SMO: variants seen among roughly 807,000 people sequenced by gnomAD.
The protein encoded by SMO is protein smoothened.
SMO carries 40 observed loss-of-function variants against 81.6 expected under a neutral mutation model. The ratio of observed to expected loss-of-function variants is 0.49; its 90% CI spans 0.38 to 0.64. The LOEUF (loss-of-function observed/expected upper bound fraction) is 0.64. Among genes scored for constraint, SMO ranks in the 30% least tolerant of loss-of-function variants. The probability of loss-of-function intolerance (pLI) is 0.00; values close to 1 mark genes in which losing one functional copy is unlikely to be tolerated. For missense variants in SMO, 916 were observed against 1,061.1 expected, an observed-to-expected ratio of 0.86 and a Z score of 1.90; for synonymous variants, 434 against 432.1, an observed-to-expected ratio of 1.00 and a Z score of -0.05.
chr7:129,194,672 A>G (rs191553185), intron 1 of SMO, among the ~76,000 whole-genome samples: 1 of 152,166 alleles, frequency 6.6e-6, no homozygotes, highest in Admixed American at 6.5e-5. Flanking sequence ...GTTCAAATGG[A>G]ATTTGTACAA....
intron 1 of SMO, among the ~76,000 whole-genome samples, chr7:129,199,196 T>G (rs573991508): frequency 6.6e-6 from 1 of 151,044 alleles, no homozygotes; most frequent in African/African-American, 2.4e-5. Flanking sequence ...TTTTTTTTTT[T>G]TTTGAGATAG....
rs758505705 is a variant in SMO at position 129,205,277 on chromosome 7, G to T, written c.612G>T (p.Lys204Asn). 4.3e-6 allele frequency: 7 copies of T among 1,614,118 alleles called. No individual in the cohort carries two copies. Among genetic ancestry groups the T allele is most frequent in the Non-Finnish European group, 5.1e-6 (6 of 1,180,058 alleles). ...CCTTGGTTCGGACAGACAACCCCAAGAGCTGGTACGAGGACGTGGAGGGCT... is the reference window on the plus strand; with the variant it reads ...CCTTGGTTCGGACAGACAACCCCAATAGCTGGTACGAGGACGTGGAGGGCT... Reference protein sequence around the residue: ...EVPLVRTDNPKSWYEDVEGCG... With the variant: ...EVPLVRTDNPNSWYEDVEGCG... Residue 204 changes from lysine (K) to asparagine (N), a missense_variant, in exon 3 of 12, where the codon AAG becomes AAT. Physicochemically the swap from Lys to Asn is moderately conservative, Grantham distance 94 (BLOSUM62 0). This residue lies in a region of SMO where 436 missense variants were observed against 570.9 expected (regional missense o/e 0.76). Coordinates refer to ENST00000249373, the MANE Select transcript of SMO (RefSeq NM_005631.5).
chr7:129,207,111 G>A (rs556327436), intron 6 of SMO, among the ~76,000 whole-genome samples: 1 of 152,100 alleles, frequency 6.6e-6, no homozygotes, highest in African/African-American at 2.4e-5. Context: ...CCCAAAGTGC[G>A]GAGATTACAG....
At chr7:129,190,098 G>T (rs892637661) in intron 1 of SMO, among the ~76,000 whole-genome samples, 5 of 152,164 alleles carry the variant, frequency 3.3e-5, no homozygotes, top group Admixed American at 6.5e-5. Context: ...CATTCAGTTT[G>T]TGCATCTGAA....
At chr7:129,200,854 G>A (rs1793657102) in intron 1 of SMO, among the ~76,000 whole-genome samples, 2 of 152,132 alleles carry the variant, frequency 1.3e-5, no homozygotes, top group Non-Finnish European at 2.9e-5. Context: ...TTCTGCCTCA[G>A]CCTCCCAAGT....
At chr7:129,194,771 T>TTGC (rs1187579335) in intron 1 of SMO, among the ~76,000 whole-genome samples, 1 of 152,132 alleles carries the variant, frequency 6.6e-6, no homozygotes, top group Non-Finnish European at 1.5e-5. Context: ...TATTTCTTTT[T>TTGC]TGCTTGTTTA....
At position 129,210,892 on chromosome 7, in the gene SMO, C is replaced by G. The variant is rs1284947980; in HGVS notation, c.1653-73C>G. On this transcript the variant is annotated intron_variant, in intron 9 of 11. Coordinates refer to ENST00000249373, the MANE Select transcript of SMO (RefSeq NM_005631.5). The surrounding 1 kb of genome is among the most constrained non-coding windows in gnomAD (Gnocchi z 4.7). ...CCTCCTTCTCTGGAAAGAATGGCAT[C>G]GCTGGCCCTTCCCAAGATTTGATGG... 5 of 1,500,738 alleles carry G rather than the reference C, an allele frequency of 3.3e-6. No individual in the cohort carries two copies. Among genetic ancestry groups the G allele is most frequent in the Non-Finnish European group, 4.5e-6 (5 of 1,110,030 alleles). The allele number at this position is 1,500,738 out of a possible 1,614,324, so 93.0% of individuals were successfully genotyped here.
At chr7:129,196,100 CAAA>C (rs1011373792) in intron 1 of SMO, among the ~76,000 whole-genome samples, 1 of 57,246 alleles carries the variant, frequency 1.7e-5, no homozygotes, top group Non-Finnish European at 3.7e-5. Context: ...GACTCCCTCT[CAAA>C]AAAAAAAAAA....
chr7:129,203,170 T>C (rs1006559547), intron 1 of SMO, among the ~76,000 whole-genome samples: 2 of 152,322 alleles, frequency 1.3e-5, no homozygotes, highest in African/African-American at 2.4e-5. Flanking sequence ...TCTACTGGCA[T>C]TGAGTTGGCA....
At position 129,188,995 on chromosome 7, in the gene SMO, G is replaced by A; in HGVS notation, c.-157G>A. 1.8e-6 allele frequency: 1 copy of A among 559,082 alleles called. No homozygotes were observed. The highest frequency in any genetic ancestry group is 2.6e-6 in the Non-Finnish European group (1 of 381,992). 34.6% of individuals were successfully genotyped at this position (559,082 alleles called of 1,614,324 possible). A position where few individuals can be genotyped will look rare whatever the true frequency, so the allele number is the denominator to read the frequency against. On this transcript the variant is annotated 5_prime_UTR_variant, in exon 1 of 12. Coordinates refer to ENST00000249373, the MANE Select transcript of SMO (RefSeq NM_005631.5). The surrounding 1 kb of genome is among the most constrained non-coding windows in gnomAD (Gnocchi z 4.9). The stretch of plus-strand genomic sequence containing the variant: ...TGCGAAGTTGGGCGCCGAGGGGCCG[G>A]GGCGCGCGGAGCGTCCGGGGGGGCC...
Position 129,210,267 on chromosome 7 carries a change from C to A in SMO, c.1467-96C>A. On this transcript the variant is annotated intron_variant, in intron 8 of 11. Transcript: ENST00000249373. The surrounding 1 kb of genome is among the most constrained non-coding windows in gnomAD (Gnocchi z 4.7). ...CTGCAGTGGGTTGTGATCACGCCACCGCACTCTAGCCTGGGTGACAGAGCA... is the reference window on the plus strand; with the variant it reads ...CTGCAGTGGGTTGTGATCACGCCACAGCACTCTAGCCTGGGTGACAGAGCA... 9.6e-7 allele frequency: 1 copy of A among 1,042,512 alleles called. No individual in the cohort carries two copies. Among genetic ancestry groups the A allele is most frequent in the Non-Finnish European group, 1.5e-6 (1 of 686,168 alleles). 64.6% of individuals were successfully genotyped at this position (1,042,512 alleles called of 1,614,324 possible).
intron 1 of SMO, among the ~76,000 whole-genome samples, chr7:129,196,032 C>T (rs1410724286): frequency 6.1e-5 from 9 of 146,454 alleles, no homozygotes; most frequent in Admixed American, 1.4e-4. Context: ...ACCCAGGAGG[C>T]GGAGCTTGCA....
intron 1 of SMO, among the ~76,000 whole-genome samples, chr7:129,196,632 ATT>A (rs1793584505): frequency 6.6e-6 from 1 of 152,050 alleles, no homozygotes; most frequent in African/African-American, 2.4e-5. Flanking sequence ...AATACTTATT[ATT>A]TGTTAGACAT....
In SMO at chr7:129,206,199, G is replaced by C. The variant is rs1793762905; in HGVS notation, c.970G>C (p.Ala324Pro). 1.2e-6 allele frequency: 2 copies of C among 1,613,756 alleles called. No individual in the cohort carries two copies. The highest frequency in any genetic ancestry group is 1.7e-6 in the Non-Finnish European group (2 of 1,179,792). The change falls in exon 5 of 12, where the codon GCC becomes CCC. Residue 324 changes from alanine (A) to proline (P), a missense_variant. By Grantham distance (27) the Ala-to-Pro change is conservative (BLOSUM62 -1). This residue lies in a region of SMO where 436 missense variants were observed against 570.9 expected (regional missense o/e 0.76). Transcript: ENST00000249373. The surrounding 1 kb of genome is among the most constrained non-coding windows in gnomAD (Gnocchi z 4.4). ...CATCATCTTTGTCATCGTGTACTAC[G>C]CCCTGATGGCTGGTGTGGTTTGGTT... is the stretch of plus-strand genomic sequence containing the variant. ...CVIIFVIVYYALMAGVVWFVV... is the reference protein window; with the variant it reads ...CVIIFVIVYYPLMAGVVWFVV...
intron 1 of SMO, among the ~76,000 whole-genome samples, chr7:129,193,785 A>AAAAAAAAAAAAATATAT (rs1563145734): frequency 3.8e-5 from 1 of 26,348 alleles, no homozygotes; most frequent in Non-Finnish European, 6.3e-5. Flanking sequence ...AAAAAAAAAA[A>AAAAAAAAAAAAATATAT]ATATATATAT....
rs1793442965 is a variant in SMO at position 129,189,192 on chromosome 7, T to C, written c.41T>C (p.Leu14Pro). ...ARPARGPELP[L>P]LGLLLLLLLG... is the part of the protein sequence containing the mutation. ...CCAGCGCGGGGGCCGGAGCTCCCGC[T>C]CCTGGGGCTGCTGCTGCTGCTGCTG... is the stretch of plus-strand genomic sequence containing the variant. Residue 14 changes from leucine (L) to proline (P), a missense_variant, in exon 1 of 12, where the codon CTC becomes CCC. By Grantham distance (98) the Leu-to-Pro change is moderately conservative. This residue lies in a region of SMO where 146 missense variants were observed against 149.9 expected (regional missense o/e 0.97). Coordinates refer to ENST00000249373, the MANE Select transcript of SMO (RefSeq NM_005631.5). This position sits in a 1 kb window ranked among gnomAD's most constrained non-coding sequence, Gnocchi z 4.7. 8.6e-7 allele frequency: 1 copy of C among 1,164,348 alleles called. No homozygotes were observed. The highest frequency in any genetic ancestry group is 1.1e-6 in the Non-Finnish European group (1 of 930,460). The allele number at this position is 1,164,348 out of a possible 1,614,324, so 72.1% of individuals were successfully genotyped here.
chr7:129,207,550 G>A (rs1428941106), intron 6 of SMO, among the ~76,000 whole-genome samples: 1 of 152,078 alleles, frequency 6.6e-6, no homozygotes, highest in Non-Finnish European at 1.5e-5. Flanking sequence ...CCTCTGATTT[G>A]TGCTTCGTTA....
Position 129,210,990 on chromosome 7 carries a change from C to T in SMO, c.1678C>T (p.Pro560Ser), listed in dbSNP as rs2150654591. The change falls in exon 10 of 12, where the codon CCA (proline) becomes TCA (serine). Residue 560 changes from proline (P) to serine (S), a missense_variant. Physicochemically the swap from Pro to Ser is moderately conservative, Grantham distance 74 (BLOSUM62 -1). This residue lies in a region of SMO where 324 missense variants were observed against 312.9 expected (regional missense o/e 1.04). Coordinates refer to ENST00000249373, the MANE Select transcript of SMO (RefSeq NM_005631.5). The surrounding 1 kb of genome is among the most constrained non-coding windows in gnomAD (Gnocchi z 4.7). Reference sequence around the variant, plus strand: ...GTTGACTGGGCAGAGTGACGATGAGCCAAAGCGGATCAAGAAGAGCAAGAT... The same window carrying T: ...GTTGACTGGGCAGAGTGACGATGAGTCAAAGCGGATCAAGAAGAGCAAGAT... ...CRLTGQSDDEPKRIKKSKMIA... is the reference protein window; with the variant it reads ...CRLTGQSDDESKRIKKSKMIA... The T allele has an allele frequency of 6.2e-7, 1 of 1,612,834 alleles. No individual in the cohort carries two copies. The highest frequency in any genetic ancestry group is 8.5e-7 in the Non-Finnish European group (1 of 1,179,346).
Position 129,206,404 on chromosome 7 carries a change from G to C in SMO, c.1140+35G>C, listed in dbSNP as rs2150650488. ...CTGGTAGGAACGGGAGACCTGGATGGGGTGAGTTTGAGGGAGGGGGCCAGT... is the reference window on the plus strand; with the variant it reads ...CTGGTAGGAACGGGAGACCTGGATGCGGTGAGTTTGAGGGAGGGGGCCAGT... On this transcript the variant is annotated intron_variant, in intron 5 of 11. Coordinates refer to ENST00000249373, the MANE Select transcript of SMO (RefSeq NM_005631.5). This position sits in a 1 kb window ranked among gnomAD's most constrained non-coding sequence, Gnocchi z 4.4. 1 of 1,614,046 alleles carries C rather than the reference G, an allele frequency of 6.2e-7. No individual in the cohort carries two copies. Among genetic ancestry groups the C allele is most frequent in the Non-Finnish European group, 8.5e-7 (1 of 1,179,932 alleles).
Sources: allele counts gnomAD v4.1 joint callset (sites outside exome capture counted in the v4.1 genomes callset), GRCh38; gene constraint gnomAD v4.1.1; regional missense constraint gnomAD v4.1.1; non-coding constraint Gnocchi (gnomAD v3.1); transcripts MANE v1.5; gene names NCBI Gene and HGNC (gene_info 2026-07-23, HGNC 2026-07-21).